The following EARS2 variants were observed in gnomAD, a reference collection of about 807,000 sequenced individuals.
EARS2 encodes the protein glutamyl-tRNA synthetase 2, mitochondrial.
EARS2 carries 50 observed loss-of-function variants against 54.1 expected under a neutral mutation model. The ratio of observed to expected loss-of-function variants is 0.92; its 90% CI spans 0.74 to 1.17. The LOEUF is 1.17. Ranked by LOEUF, EARS2 falls within the 50% of genes most tolerant of loss-of-function variation. The pLI is 0.00. For missense variants in EARS2, 673 were observed against 675.0 expected (o/e 1.00, Z 0.03); for synonymous variants, 298 against 281.0 (o/e 1.06, Z -0.61).
rs1398347762 is a variant in EARS2 at position 23,557,345 on chromosome 16, T to C, written c.-2A>G. On this transcript the variant is annotated 5_prime_UTR_variant, in exon 1 of 9. Transcript: ENST00000449606. The stretch of plus-strand genomic sequence containing the variant: ...CAGTCTCCTCAGGAGCGCCGCCATG[T>C]GGGATGGAATAGCACACGTGGGCTT... The C allele has an allele frequency of 6.5e-7, 1 of 1,542,864 alleles. No homozygotes were observed. The highest frequency in any genetic ancestry group is 2.0e-5 in the Admixed American group (1 of 51,196).
Position 23,529,642 on chromosome 16 carries a change from G to C in EARS2, c.1222-10C>G. The C allele has an allele frequency of 6.2e-7, 1 of 1,614,016 alleles. No individual in the cohort carries two copies. The highest frequency in any genetic ancestry group is 8.5e-7 in the Non-Finnish European group (1 of 1,179,904). On this transcript the variant is annotated splice_polypyrimidine_tract_variant and intron_variant, in intron 6 of 8. Coordinates refer to ENST00000449606, the MANE Select transcript of EARS2 (RefSeq NM_001083614.2). ...GGCGGCAAATGTGACCCTGGGGAAG[G>C]AGGCAGTCATTGAATGCACTAGGGA...
chr16:23,521,926 C>A lies in EARS2; in HGVS notation c.*2445G>T. 4.6e-6 allele frequency: 2 copies of A among 435,214 alleles called. No homozygotes were observed. The highest frequency in any genetic ancestry group is 5.1e-5 in the Admixed American group (2 of 39,542). 27.0% of individuals were successfully genotyped at this position (435,214 alleles called of 1,614,324 possible). A position where few individuals can be genotyped will look rare whatever the true frequency, so the allele number is the denominator to read the frequency against. On this transcript the variant is annotated 3_prime_UTR_variant, in exon 9 of 9. Transcript: ENST00000449606. ...GATCTGAGTTTAAATCTTGGTTTTG[C>A]CTCGTACTATAACCTCGGAAGTTTT...
At chr16:23,555,339 T>C (rs1965758414) in intron 1 of EARS2, among the ~76,000 whole-genome samples, 1 of 151,984 alleles carries the variant, frequency 6.6e-6, no homozygotes, top group Non-Finnish European at 1.5e-5. Context: ...ATACAAAAAT[T>C]AGCTGGGCGT....
chr16:23,530,207 C>T (rs1965301168), intron 5 of EARS2, among the ~76,000 whole-genome samples: 1 of 152,110 alleles, frequency 6.6e-6, no homozygotes, highest in South Asian at 2.1e-4. Flanking sequence ...CTCACTACAG[C>T]CTAGACCTCC....
intron 7 of EARS2, 47 bp downstream of exon 7, chr16:23,529,455 G>C: frequency 3.8e-6 from 6 of 1,594,018 alleles, no homozygotes; most frequent in Non-Finnish European, 5.1e-6. Flanking sequence ...GGGACAGAGA[G>C]AGGGAAGGAG....
intron 2 of EARS2, among the ~76,000 whole-genome samples, chr16:23,551,874 C>T (rs958604198): frequency 2.6e-5 from 4 of 152,086 alleles, no homozygotes; most frequent in East Asian, 1.9e-4. Flanking sequence ...GAGCCGAGAT[C>T]GCACCACTGC....
At chr16:23,531,436 T>G (rs1049101593) in intron 5 of EARS2, among the ~76,000 whole-genome samples, 1 of 152,106 alleles carries the variant, frequency 6.6e-6, no homozygotes, top group South Asian at 2.1e-4. Context: ...AAGTTTTTTG[T>G]ATTTTTAGTA....
At chr16:23,544,454 C>A in intron 3 of EARS2, 60 bp downstream of exon 3, 2 of 1,520,076 alleles carry the variant, frequency 1.3e-6, no homozygotes, top group South Asian at 1.2e-5. Flanking sequence ...TCTTACGCAG[C>A]ACAAGGTAAC....
chr16:23,524,453 T>C lies in EARS2; in HGVS notation c.1490A>G (p.Gln497Arg). 8 of 1,613,982 alleles carry C rather than the reference T, an allele frequency of 5.0e-6. No homozygotes were observed. Among genetic ancestry groups the C allele is most frequent in the Non-Finnish European group, 5.9e-6 (7 of 1,179,910 alleles). Reference protein sequence around the residue: ...LLRMALSGQQQGPPVAEMMLA... With the variant: ...LLRMALSGQQRGPPVAEMMLA... ...CATCATCTCAGCTACAGGAGGTCCT[T>C]GCTAAGAACAAAAAGAGCAAATATT... The change falls in exon 9 of 9, where the codon CAA (glutamine) becomes CGA (arginine). Residue 497 changes from glutamine to arginine, a missense_variant and splice_region_variant. Transcript: ENST00000449606.
intron 3 of EARS2, chr16:23,536,988 A>T (rs1965431649): frequency 6.3e-6 from 1 of 159,252 alleles, no homozygotes; most frequent in Non-Finnish European, 1.4e-5. Flanking sequence ...GCCAAAAAAG[A>T]AATTTTTACA....
intron 2 of EARS2, among the ~76,000 whole-genome samples, chr16:23,545,618 C>T (rs1368709997): frequency 1.3e-5 from 2 of 152,222 alleles, no homozygotes; most frequent in East Asian, 1.9e-4. Context: ...TAATGGGCAC[C>T]GGAGCCGATA....
intron 2 of EARS2, among the ~76,000 whole-genome samples, chr16:23,545,786 C>T (rs1965593941): frequency 6.6e-6 from 1 of 152,190 alleles, no homozygotes; most frequent in Non-Finnish European, 1.5e-5. Flanking sequence ...GCCTCAACCT[C>T]CCGAGTAGCT....
intron 2 of EARS2, among the ~76,000 whole-genome samples, chr16:23,550,546 T>C (rs865985767): frequency 6.7e-6 from 1 of 148,984 alleles, no homozygotes; most frequent in Middle Eastern, 3.5e-3. Flanking sequence ...CACGCCATTC[T>C]CCTGCCTCAG....
intron 2 of EARS2, among the ~76,000 whole-genome samples, chr16:23,548,663 A>G (rs193270721): frequency 4.6e-5 from 7 of 152,190 alleles, no homozygotes; most frequent in Non-Finnish European, 1.5e-5. Context: ...CAGGAGACAG[A>G]CAAATTCCTA....
intron 4 of EARS2, among the ~76,000 whole-genome samples, chr16:23,534,389 G>A (rs1000104015): frequency 6.6e-6 from 1 of 152,194 alleles, no homozygotes; most frequent in Non-Finnish European, 1.5e-5. Context: ...TTGGACCATG[G>A]GTAAGTGCTC....
intron 7 of EARS2, among the ~76,000 whole-genome samples, chr16:23,529,164 A>ATC (rs902309433): frequency 1.5e-4 from 23 of 152,308 alleles, no homozygotes; most frequent in Admixed American, 5.2e-4. Context: ...AATTAGCATC[A>ATC]TCTCTCTCTC....
chr16:23,530,194 T>C (rs1965301008), intron 5 of EARS2, among the ~76,000 whole-genome samples: 1 of 152,108 alleles, frequency 6.6e-6, no homozygotes, highest in Non-Finnish European at 1.5e-5. Context: ...ACCACGATCA[T>C]GGCTCACTAC....
At chr16:23,539,447 C>G (rs1206554449) in intron 3 of EARS2, among the ~76,000 whole-genome samples, 2 of 152,158 alleles carry the variant, frequency 1.3e-5, no homozygotes, top group East Asian at 3.8e-4. Flanking sequence ...ACCAACACAG[C>G]TTGTATGAAA....
chr16:23,544,632 G>C lies in EARS2; in HGVS notation c.367C>G (p.Leu123Val), dbSNP rs1404765635. ...AGCGCTTCTGTGGCCTGGGCATACA[G>C]CTCCAACCGCTGAGATTGCTGGTAG... is the stretch of plus-strand genomic sequence containing the variant. ...GPYQQSQRLE[L>V]YAQATEALLK... The change falls in exon 3 of 9, where the codon CTG (leucine) becomes GTG (valine). Residue 123 changes from leucine (L) to valine (V), a missense_variant. By Grantham distance (32) the Leu-to-Val change is conservative. This residue lies in a region of EARS2 where 316 missense variants were observed against 275.2 expected (regional missense o/e 1.15). Transcript: ENST00000449606. 3.7e-6 allele frequency: 6 copies of C among 1,612,436 alleles called. No individual in the cohort carries two copies. The highest frequency in any genetic ancestry group is 2.2e-5 in the East Asian group (1 of 44,852).
Sources: allele counts gnomAD v4.1 joint callset (sites outside exome capture counted in the v4.1 genomes callset), GRCh38; gene constraint gnomAD v4.1.1; regional missense constraint gnomAD v4.1.1; transcripts MANE v1.5; gene names NCBI Gene and HGNC (gene_info 2026-07-23, HGNC 2026-07-21).